TMEFF2: variants seen among roughly 807,000 people sequenced by gnomAD.
TMEFF2 encodes tomoregulin-2.
In TMEFF2, 28 loss-of-function variants were observed where a neutral mutation model predicts 53.8. The ratio of observed to expected loss-of-function variants is 0.52; its 90% confidence interval spans 0.39 to 0.71. The LOEUF is 0.71. Among genes scored for constraint, TMEFF2 ranks in the 30% least tolerant of loss-of-function variants. The probability of loss-of-function intolerance (pLI) is 0.00; values close to 1 mark genes in which losing one functional copy is unlikely to be tolerated. For missense variants in TMEFF2, 353 were observed against 455.2 expected (o/e 0.78, Z 2.04); for synonymous variants, 162 against 166.3 (o/e 0.97, Z 0.20).
At chr2:192,070,042 A>G (rs10200439) in intron 4 of TMEFF2, among the ~76,000 whole-genome samples, 881 of 75,146 alleles carry the variant, frequency 0.012, 17 homozygotes, top group African/African-American at 0.032. Flanking sequence ...ATATATATAT[A>G]TGTCTTCACG....
At chr2:192,132,023 G>A (rs538655339) in intron 4 of TMEFF2, among the ~76,000 whole-genome samples, 11 of 151,656 alleles carry the variant, frequency 7.3e-5, no homozygotes, top group Admixed American at 5.3e-4. Context: ...TTTCCCTCCC[G>A]CCTGTCCCCT....
At chr2:192,144,338 A>G (rs1332083035) in intron 4 of TMEFF2, among the ~76,000 whole-genome samples, 1 of 152,100 alleles carries the variant, frequency 6.6e-6, no homozygotes, top group East Asian at 1.9e-4. Flanking sequence ...GAGAACAGGT[A>G]AATAGATTTA....
Position 192,062,269 on chromosome 2 carries a change from A to C in TMEFF2, c.440-4494T>G, listed in dbSNP as rs946906192. Among the ~76,000 whole-genome samples, 5 of 152,252 alleles carry C rather than the reference A, an allele frequency of 3.3e-5. No individual in the cohort carries two copies. In the East Asian group the frequency reaches 5.8e-4, roughly 18 times the overall value. ...AATTCAATATGTAATTTTTGTGTCAAGTTTCTTTCACTCAAAATGATAGCT... is the reference window on the plus strand; with the variant it reads ...AATTCAATATGTAATTTTTGTGTCACGTTTCTTTCACTCAAAATGATAGCT... On this transcript the variant is annotated intron_variant, in intron 4 of 9. Coordinates refer to ENST00000272771, the MANE Select transcript of TMEFF2 (RefSeq NM_016192.4).
chr2:192,140,297 G>T (rs899066131), intron 4 of TMEFF2, among the ~76,000 whole-genome samples: 1 of 152,302 alleles, frequency 6.6e-6, no homozygotes, highest in South Asian at 2.1e-4. Context: ...ACTTTACTGA[G>T]ATAACATGTG....
chr2:191,958,766 A>T (rs1244424040), intron 7 of TMEFF2, among the ~76,000 whole-genome samples: 1 of 152,216 alleles, frequency 6.6e-6, no homozygotes, highest in East Asian at 1.9e-4. Flanking sequence ...TGCTCATAGG[A>T]TACTGTCAAA....
intron 4 of TMEFF2, among the ~76,000 whole-genome samples, chr2:192,165,234 T>C (rs959908863): frequency 1.3e-5 from 2 of 152,080 alleles, no homozygotes; most frequent in Non-Finnish European, 2.9e-5. Flanking sequence ...ATAAAGACAG[T>C]GGAGAAAAGG....
chr2:192,016,599 T>G (rs1686750770), intron 5 of TMEFF2, among the ~76,000 whole-genome samples: 1 of 152,208 alleles, frequency 6.6e-6, no homozygotes, highest in African/African-American at 2.4e-5. Flanking sequence ...TCATGTTCTT[T>G]TAGCAGCTAG....
intron 4 of TMEFF2, among the ~76,000 whole-genome samples, chr2:192,167,653 T>C (rs1196434417): frequency 6.6e-6 from 1 of 152,158 alleles, no homozygotes; most frequent in Non-Finnish European, 1.5e-5. Context: ...TTATATTCGA[T>C]CAGAGCATTA....
chr2:192,050,453 A>AT (rs377392735), intron 5 of TMEFF2, among the ~76,000 whole-genome samples: 29 of 152,058 alleles, frequency 1.9e-4, no homozygotes, highest in African/African-American at 6.0e-4. Context: ...TTATTTTTCA[A>AT]TTTTTTTTAT....
At chr2:192,069,033 G>A (rs1376834444) in intron 4 of TMEFF2, among the ~76,000 whole-genome samples, 1 of 151,158 alleles carries the variant, frequency 6.6e-6, no homozygotes, top group Non-Finnish European at 1.5e-5. Context: ...GGCAAAAACG[G>A]AATTCAGTGC....
intron 7 of TMEFF2, among the ~76,000 whole-genome samples, chr2:191,966,251 AGT>A (rs1692468279): frequency 1.3e-5 from 2 of 152,160 alleles, no homozygotes; most frequent in Non-Finnish European, 2.9e-5. Flanking sequence ...GCCAGAGGGG[AGT>A]GGCTGCAGAT....
chr2:192,024,092 C>T (rs963908069), intron 5 of TMEFF2, among the ~76,000 whole-genome samples: 1 of 152,030 alleles, frequency 6.6e-6, no homozygotes, highest in Non-Finnish European at 1.5e-5. Flanking sequence ...CACAATATTC[C>T]CATATTTCTC....
intron 7 of TMEFF2, 49 bp downstream of exon 7, chr2:191,998,211 ACT>A: frequency 7.2e-7 from 1 of 1,381,950 alleles, no homozygotes; most frequent in Non-Finnish European, 1.0e-6. Context: ...ATTTCCCAGG[ACT>A]CTCTTTTAAT....
intron 5 of TMEFF2, among the ~76,000 whole-genome samples, chr2:192,009,757 C>T (rs1165719420): frequency 6.6e-6 from 1 of 152,024 alleles, no homozygotes; most frequent in East Asian, 1.9e-4. Context: ...GGTAGGAGAA[C>T]ACCTTAATTT....
In TMEFF2 at chr2:192,188,361, C is replaced by T. The variant is rs546247956; in HGVS notation, c.282+3519G>A. Among the ~76,000 whole-genome samples, 5 of 152,162 alleles carry T rather than the reference C, an allele frequency of 3.3e-5. No homozygotes were observed. In the East Asian group the frequency reaches 5.8e-4, roughly 18 times the overall value. ...TGCTATGAGGAAGACAAAACTTGCC[C>T]GTGCAAAGAGATCAACATGGAGAAG... On this transcript the variant is annotated intron_variant, in intron 2 of 9. Transcript: ENST00000272771.
intron 4 of TMEFF2, among the ~76,000 whole-genome samples, chr2:192,102,075 A>G (rs1028918824): frequency 1.4e-4 from 22 of 152,330 alleles, no homozygotes; most frequent in African/African-American, 5.3e-4. Flanking sequence ...TGACTAAGCT[A>G]CAAAATTAGA....
chr2:192,057,131 C>A lies in TMEFF2; in HGVS notation c.536+548G>T, dbSNP rs192755587. ...TGATCACAGATCACTGTAGCCTTAA[C>A]CTCCTGTGCTCAAGTGTTCCTCCCT... On this transcript the variant is annotated intron_variant, in intron 5 of 9. Coordinates refer to ENST00000272771, the MANE Select transcript of TMEFF2 (RefSeq NM_016192.4). Among the ~76,000 whole-genome samples, 217 of 152,274 alleles carry A rather than the reference C, an allele frequency of 1.4e-3. 1 individual carries two copies. The highest frequency in any genetic ancestry group is 5.1e-3 in the African/African-American group (212 of 41,566).
intron 5 of TMEFF2, chr2:192,031,243 C>T (rs917301608): frequency 6.6e-6 from 1 of 152,114 alleles, no homozygotes; most frequent in Non-Finnish European, 1.5e-5. Flanking sequence ...TTATATTAAA[C>T]TACATATATG....
intron 4 of TMEFF2, among the ~76,000 whole-genome samples, chr2:192,176,323 C>T (rs971776131): frequency 3.3e-5 from 5 of 151,194 alleles, no homozygotes; most frequent in African/African-American, 7.3e-5. Context: ...TCAAAACAAA[C>T]GTTTTTGTTC....
Sources: gnomAD v4.1 joint callset for allele counts (sites outside exome capture counted in the v4.1 genomes callset) on GRCh38, gnomAD v4.1.1 for gene constraint, MANE v1.5 for transcripts, NCBI Gene and HGNC (gene_info 2026-07-23, HGNC 2026-07-21) for gene names.